Variants in ANKS1B observed in about 807,000 individuals in gnomAD.
ANKS1B encodes ankyrin repeat and sterile alpha motif domain-containing protein 1B.
A neutral mutation model predicts 148.3 loss-of-function variants in ANKS1B; 36 were observed. The observed-to-expected ratio is 0.24, with a 90% CI of 0.19 to 0.32. ANKS1B has a LOEUF of 0.32. ANKS1B is among the 10% of genes least tolerant of loss of function. The pLI is 1.00. For synonymous variants in ANKS1B, 542 were observed against 560.8 expected (o/e 0.97, Z 0.47); for missense variants, 1,157 against 1,542.6 (o/e 0.75, Z 4.19).
At chr12:98,939,925 C>T (rs2099833963) in intron 17 of ANKS1B, among the ~76,000 whole-genome samples, 1 of 152,146 alleles carries the variant, frequency 6.6e-6, no homozygotes, top group East Asian at 1.9e-4. Flanking sequence ...CCCTAAATAC[C>T]CATTTGTCCT....
At chr12:98,794,461 G>A (rs546348646) in intron 22 of ANKS1B, 3 of 297,190 alleles carry the variant, frequency 1.0e-5, no homozygotes, top group Non-Finnish European at 2.0e-5. Flanking sequence ...GCGTTTGGTC[G>A]ATGGGGACCC....
In ANKS1B at chr12:99,632,764, TA is replaced by T. The variant is rs1555520359; in HGVS notation, c.1272+22302del. On this transcript the variant is annotated intron_variant, in intron 9 of 26. Coordinates refer to ENST00000683438, the MANE Select transcript of ANKS1B (RefSeq NM_001352186.2). ...ATATATATATATATATATATATATA[TA>T]TATTTTAATTATACTTTAAGTTCTA... Among the ~76,000 whole-genome samples the T allele has an allele frequency of 1.4e-3, 125 of 87,804 alleles. 5 individuals are homozygous for T. The highest frequency in any genetic ancestry group is 2.8e-3 in the African/African-American group (66 of 23,418). The allele number at this position is 87,804 out of a possible 152,430, so 57.6% of individuals were successfully genotyped here.
intron 17 of ANKS1B, among the ~76,000 whole-genome samples, chr12:98,957,624 G>A (rs1007240957): frequency 6.6e-6 from 1 of 152,092 alleles, no homozygotes; most frequent in Non-Finnish European, 1.5e-5. Flanking sequence ...GGGATTACAG[G>A]CGTGAGCTGC....
chr12:99,878,622 T>A (rs1488074309), intron 1 of ANKS1B, among the ~76,000 whole-genome samples: 2 of 152,212 alleles, frequency 1.3e-5, no homozygotes. Context: ...TGATCATCTA[T>A]CTTTTTTCTC....
chr12:98,760,036 A>G (rs567578906), intron 25 of ANKS1B, among the ~76,000 whole-genome samples: 93 of 152,212 alleles, frequency 6.1e-4, no homozygotes, highest in African/African-American at 1.1e-3. Context: ...ACGTAAAAAT[A>G]TATGTATACA....
At chr12:99,715,355 C>A (rs1315565391) in intron 8 of ANKS1B, among the ~76,000 whole-genome samples, 1 of 152,102 alleles carries the variant, frequency 6.6e-6, no homozygotes, top group Non-Finnish European at 1.5e-5. Flanking sequence ...CCTGGCTCAT[C>A]CTGACTCAAA....
intron 9 of ANKS1B, among the ~76,000 whole-genome samples, chr12:99,580,969 C>T (rs914453263): frequency 6.6e-6 from 1 of 152,116 alleles, no homozygotes; most frequent in Non-Finnish European, 1.5e-5. Context: ...GATGCCAATT[C>T]TTTCCAAATT....
At chr12:98,808,161 A>C (rs1208882699) in intron 19 of ANKS1B, among the ~76,000 whole-genome samples, 3 of 152,224 alleles carry the variant, frequency 2.0e-5, no homozygotes, top group Non-Finnish European at 4.4e-5. Flanking sequence ...AAAATTACCA[A>C]TAAATTCATG....
At chr12:99,751,844 A>G (rs1567778246) in intron 8 of ANKS1B, among the ~76,000 whole-genome samples, 2 of 152,100 alleles carry the variant, frequency 1.3e-5, no homozygotes, top group Non-Finnish European at 2.9e-5. Flanking sequence ...AAAGCCTAAT[A>G]CAAATTGGAA....
chr12:99,938,388 T>C (rs1253235526), intron 1 of ANKS1B, among the ~76,000 whole-genome samples: 2 of 152,182 alleles, frequency 1.3e-5, no homozygotes, highest in African/African-American at 2.4e-5. Flanking sequence ...CTGGCAAATA[T>C]GTTGATTGAA....
chr12:99,218,038 G>A (rs568632271), intron 14 of ANKS1B, among the ~76,000 whole-genome samples: 13 of 152,248 alleles, frequency 8.5e-5, no homozygotes, highest in African/African-American at 3.1e-4. Context: ...TTCTCTTTGT[G>A]AGAATGTCCT....
chr12:99,634,934 T>G (rs2098217756), intron 9 of ANKS1B, among the ~76,000 whole-genome samples: 1 of 151,982 alleles, frequency 6.6e-6, no homozygotes, highest in Non-Finnish European at 1.5e-5. Context: ...ATAACCCAGT[T>G]AAAAAATAGA....
intron 9 of ANKS1B, among the ~76,000 whole-genome samples, chr12:99,630,183 G>C (rs1326913924): frequency 6.6e-6 from 1 of 152,074 alleles, no homozygotes; most frequent in East Asian, 1.9e-4. Context: ...TGTAAATACA[G>C]AATTTGTTCC....
intron 12 of ANKS1B, among the ~76,000 whole-genome samples, chr12:99,308,196 C>T (rs113049944): frequency 0.024 from 3,612 of 152,090 alleles, 154 homozygotes; most frequent in African/African-American, 0.082. Flanking sequence ...AGAGCAATCA[C>T]TACATAGCTC....
intron 14 of ANKS1B, among the ~76,000 whole-genome samples, chr12:99,160,642 C>A (rs972787905): frequency 3.9e-5 from 6 of 152,050 alleles, no homozygotes; most frequent in Admixed American, 2.0e-4. Flanking sequence ...GCCACCACGC[C>A]CAGCCTCTTC....
At chr12:98,951,651 G>A (rs892300184) in intron 17 of ANKS1B, among the ~76,000 whole-genome samples, 2 of 152,044 alleles carry the variant, frequency 1.3e-5, no homozygotes, top group Admixed American at 1.3e-4. Flanking sequence ...CCTCGCCATT[G>A]CCCAAGCCCT....
intron 17 of ANKS1B, among the ~76,000 whole-genome samples, chr12:98,968,836 T>C (rs2099880847): frequency 6.6e-6 from 1 of 152,098 alleles, no homozygotes; most frequent in Admixed American, 6.6e-5. Context: ...AAACTAAGAA[T>C]AAAAAGAAAA....
chr12:99,413,633 G>C (rs2094794597), intron 11 of ANKS1B, among the ~76,000 whole-genome samples: 1 of 152,160 alleles, frequency 6.6e-6, no homozygotes, highest in South Asian at 2.1e-4. Flanking sequence ...GAGAAAGGCA[G>C]AAAATTTTTA....
intron 10 of ANKS1B, among the ~76,000 whole-genome samples, chr12:99,491,429 TG>T (rs769208560): frequency 1.3e-4 from 20 of 152,204 alleles, no homozygotes; most frequent in Non-Finnish European, 2.6e-4. Flanking sequence ...TTTTCAGATT[TG>T]TTATATAGGT....
Sources: allele counts gnomAD v4.1 joint callset (sites outside exome capture counted in the v4.1 genomes callset), GRCh38; gene constraint gnomAD v4.1.1; transcripts MANE v1.5; gene names NCBI Gene and HGNC (gene_info 2026-07-23, HGNC 2026-07-21).